The following HCN1 variants were observed in gnomAD, a reference collection of about 807,000 sequenced individuals.
HCN1 encodes the protein potassium/sodium hyperpolarization-activated cyclic nucleotide-gated channel 1.
A neutral mutation model predicts 78.9 loss-of-function variants in HCN1; 13 were observed. That is an observed-to-expected ratio of 0.16 (90% CI 0.11 to 0.26). The LOEUF is 0.26. HCN1 is among the 10% of genes least tolerant of loss of function. The probability of loss-of-function intolerance (pLI) is 1.00; values close to 1 mark genes in which losing one functional copy is unlikely to be tolerated. For synonymous variants in HCN1, 552 were observed against 455.5 expected (o/e 1.21, Z -2.70); for missense variants, 810 against 1,154.3 (o/e 0.70, Z 4.32).
intron 6 of HCN1, among the ~76,000 whole-genome samples, chr5:45,290,616 T>G (rs1745353423): frequency 6.6e-6 from 1 of 152,068 alleles, no homozygotes; most frequent in Non-Finnish European, 1.5e-5. Flanking sequence ...ATTAGTTAAT[T>G]TAATTTTATA....
At chr5:45,673,350 G>T (rs2112078463) in intron 1 of HCN1, among the ~76,000 whole-genome samples, 1 of 151,552 alleles carries the variant, frequency 6.6e-6, no homozygotes, top group Non-Finnish European at 1.5e-5. Context: ...TTATTTGAAA[G>T]AAATTACTAT....
At chr5:45,646,600 T>C (rs1419034788) in intron 1 of HCN1, among the ~76,000 whole-genome samples, 1 of 152,064 alleles carries the variant, frequency 6.6e-6, no homozygotes, top group African/African-American at 2.4e-5. Flanking sequence ...AAGTACCTTT[T>C]GAAATATTCT....
chr5:45,320,152 T>A (rs1746094385), intron 5 of HCN1, among the ~76,000 whole-genome samples: 1 of 151,858 alleles, frequency 6.6e-6, no homozygotes, highest in Non-Finnish European at 1.5e-5. Context: ...ATATAAGATC[T>A]TCCTTCTAAG....
intron 5 of HCN1, among the ~76,000 whole-genome samples, chr5:45,318,471 G>A (rs1746049158): frequency 6.6e-6 from 1 of 152,000 alleles, no homozygotes; most frequent in African/African-American, 2.4e-5. Flanking sequence ...TAAATGATGA[G>A]TTAATGGGTG....
chr5:45,259,528 T>A lies in HCN1; in HGVS notation c.*2393A>T, dbSNP rs1195854408. 1 of 151,292 alleles carries A rather than the reference T, an allele frequency of 6.6e-6. No individual in the cohort carries two copies. Among genetic ancestry groups the A allele is most frequent in the Non-Finnish European group, 1.5e-5 (1 of 67,652 alleles). 9.4% of individuals were successfully genotyped at this position (151,292 alleles called of 1,614,324 possible). Reference sequence around the variant, plus strand: ...CTTTATATTACAGGAATGTGAGTCATTTTTTTTTCTTAATCTAAGTATATA... The same window carrying A: ...CTTTATATTACAGGAATGTGAGTCAATTTTTTTTCTTAATCTAAGTATATA... On this transcript the variant is annotated 3_prime_UTR_variant, in exon 8 of 8. Transcript: ENST00000303230.
At chr5:45,302,714 C>G (rs1745652394) in intron 6 of HCN1, among the ~76,000 whole-genome samples, 1 of 151,646 alleles carries the variant, frequency 6.6e-6, no homozygotes, top group African/African-American at 2.4e-5. Flanking sequence ...ATTGTACCTC[C>G]CAGAATTCCC....
intron 2 of HCN1, among the ~76,000 whole-genome samples, chr5:45,477,196 T>G (rs1195013786): frequency 6.6e-6 from 1 of 151,892 alleles, no homozygotes; most frequent in Non-Finnish European, 1.5e-5. Context: ...CATCACTTTA[T>G]CAAGAAGGTC....
intron 2 of HCN1, among the ~76,000 whole-genome samples, chr5:45,473,387 T>G (rs1374747674): frequency 2.6e-5 from 4 of 151,882 alleles, no homozygotes; most frequent in African/African-American, 9.7e-5. Context: ...TTTTCCAAAA[T>G]CTATCATACT....
chr5:45,646,367 CTTTTTT>C lies in HCN1; in HGVS notation c.426-765_426-760del, dbSNP rs201964510. On this transcript the variant is annotated intron_variant, in intron 1 of 7. Transcript: ENST00000303230. ...TTCCATAAAAATTCTTTCTTTCTTT[CTTTTTT>C]TTTTTTTTTTTTTTGAGACGGAGTT... 2.6e-3 allele frequency among the ~76,000 whole-genome samples: 317 copies of C among 123,490 alleles called. 1 individual carries two copies. Among genetic ancestry groups the C allele is most frequent in the African/African-American group, 8.4e-3 (271 of 32,228 alleles). 81.0% of individuals were successfully genotyped at this position (123,490 alleles called of 152,430 possible).
intron 6 of HCN1, among the ~76,000 whole-genome samples, chr5:45,275,690 A>G (rs992690610): frequency 6.6e-6 from 1 of 152,172 alleles, no homozygotes; most frequent in Non-Finnish European, 1.5e-5. Context: ...TACTGATATT[A>G]CAGATATGTT....
intron 4 of HCN1, among the ~76,000 whole-genome samples, chr5:45,395,483 T>C (rs1739668224): frequency 6.6e-6 from 1 of 152,220 alleles, no homozygotes; most frequent in Non-Finnish European, 1.5e-5. Flanking sequence ...AGTGGCAGTA[T>C]AATTATATTC....
At chr5:45,564,180 A>G (rs1397027923) in intron 2 of HCN1, among the ~76,000 whole-genome samples, 1 of 152,200 alleles carries the variant, frequency 6.6e-6, no homozygotes, top group Non-Finnish European at 1.5e-5. Context: ...GATTAATCCC[A>G]TCCTGATACC....
At chr5:45,444,605 G>A (rs749140309) in intron 3 of HCN1, among the ~76,000 whole-genome samples, 1 of 151,732 alleles carries the variant, frequency 6.6e-6, no homozygotes, top group Non-Finnish European at 1.5e-5. Context: ...TCTCTTATGG[G>A]ATCTTATGTT....
chr5:45,323,222 T>C (rs565083570), intron 5 of HCN1, among the ~76,000 whole-genome samples: 1 of 151,896 alleles, frequency 6.6e-6, no homozygotes, highest in East Asian at 1.9e-4. Context: ...TACACCAGAT[T>C]GTGAAGACTT....
At chr5:45,343,402 C>G (rs1274123959) in intron 5 of HCN1, among the ~76,000 whole-genome samples, 1 of 152,112 alleles carries the variant, frequency 6.6e-6, no homozygotes. Flanking sequence ...ACTAAGGGAA[C>G]AGTGAAAATA....
chr5:45,441,864 A>G (rs1350090418), intron 3 of HCN1, among the ~76,000 whole-genome samples: 2 of 152,186 alleles, frequency 1.3e-5, no homozygotes, highest in Admixed American at 1.3e-4. Flanking sequence ...GACAGGAGAC[A>G]TTAACTTTAA....
At chr5:45,311,336 A>T (rs1355169151) in intron 5 of HCN1, among the ~76,000 whole-genome samples, 2 of 152,188 alleles carry the variant, frequency 1.3e-5, no homozygotes, top group African/African-American at 4.8e-5. Flanking sequence ...ATTTTAAAAG[A>T]TCTCAAGTTG....
At chr5:45,365,310 A>G (rs1326502877) in intron 4 of HCN1, among the ~76,000 whole-genome samples, 1 of 151,792 alleles carries the variant, frequency 6.6e-6, no homozygotes, top group East Asian at 1.9e-4. Flanking sequence ...TGAACATAGT[A>G]CTCAATAGGT....
chr5:45,445,181 C>T (rs906103068), intron 3 of HCN1, among the ~76,000 whole-genome samples: 4 of 152,166 alleles, frequency 2.6e-5, no homozygotes, highest in Non-Finnish European at 4.4e-5. Flanking sequence ...CACTCCCACC[C>T]GAATACTGCA....
Sources: allele counts gnomAD v4.1 joint callset (sites outside exome capture counted in the v4.1 genomes callset), GRCh38; gene constraint gnomAD v4.1.1; transcripts MANE v1.5; gene names NCBI Gene and HGNC (gene_info 2026-07-23, HGNC 2026-07-21).